Variants in DOK6 observed in about 807,000 individuals in gnomAD.
The protein encoded by DOK6 is docking protein 6.
Under a neutral mutation model 44.0 loss-of-function variants are expected in DOK6, and 22 were observed. That is an observed-to-expected ratio of 0.50 (90% CI 0.36 to 0.71). DOK6 has a LOEUF of 0.71. Among genes scored for constraint, DOK6 ranks in the 30% least tolerant of loss-of-function variants. The pLI is 0.00. For synonymous variants in DOK6, 166 were observed against 145.5 expected (o/e 1.14, Z -1.01); for missense variants, 340 against 416.4 (o/e 0.82, Z 1.60).
intron 7 of DOK6, among the ~76,000 whole-genome samples, chr18:69,775,264 A>G (rs1344604008): frequency 6.6e-6 from 1 of 152,064 alleles, no homozygotes; most frequent in Non-Finnish European, 1.5e-5. Flanking sequence ...TAATGGATGT[A>G]CGTAATGGAA....
chr18:69,540,616 G>T (rs1442664), intron 1 of DOK6, among the ~76,000 whole-genome samples: 92,901 of 151,912 alleles, frequency 0.61, 28,630 homozygotes, highest in East Asian at 0.7. Flanking sequence ...ATTTCTCGAC[G>T]TCTTCACATT....
chr18:69,778,266 C>G (rs567775278), intron 7 of DOK6, among the ~76,000 whole-genome samples: 22 of 152,074 alleles, frequency 1.4e-4, no homozygotes, highest in Admixed American at 4.6e-4. Context: ...AAAGGAAGAC[C>G]TATGGCTTAA....
chr18:69,676,186 G>A (rs181435284), intron 3 of DOK6, among the ~76,000 whole-genome samples: 28 of 152,248 alleles, frequency 1.8e-4, no homozygotes, highest in Middle Eastern at 3.4e-3. Flanking sequence ...CTGTACTTTC[G>A]TAAATAAAAG....
chr18:69,645,685 A>G (rs76615074), intron 3 of DOK6, among the ~76,000 whole-genome samples: 1 of 150,482 alleles, frequency 6.6e-6, no homozygotes, highest in African/African-American at 2.4e-5. Flanking sequence ...TTATCCCAGG[A>G]AAAAAAAATG....
intron 7 of DOK6, among the ~76,000 whole-genome samples, chr18:69,791,873 G>C (rs1980610907): frequency 6.6e-6 from 1 of 151,976 alleles, no homozygotes; most frequent in Admixed American, 6.6e-5. Context: ...TTTAATAGTT[G>C]CATAGTTTCA....
intron 1 of DOK6, among the ~76,000 whole-genome samples, chr18:69,494,982 G>T (rs1177920128): frequency 6.6e-6 from 1 of 152,200 alleles, no homozygotes; most frequent in Non-Finnish European, 1.5e-5. Context: ...GTGCGAGCCA[G>T]GTGTGGAGCA....
chr18:69,638,174 A>G (rs905173749), intron 3 of DOK6, among the ~76,000 whole-genome samples: 7 of 152,216 alleles, frequency 4.6e-5, no homozygotes, highest in East Asian at 3.8e-4. Context: ...ATTCAACCTC[A>G]TTGTTGTAGT....
intron 5 of DOK6, chr18:69,724,935 G>A (rs1394751551): frequency 6.6e-6 from 1 of 152,164 alleles, no homozygotes; most frequent in Non-Finnish European, 1.5e-5. Context: ...ATAAAGCCCA[G>A]TGGCTTGTAA....
intron 7 of DOK6, among the ~76,000 whole-genome samples, chr18:69,821,799 T>TTTTA (rs10641812): frequency 2.7e-5 from 4 of 149,352 alleles, no homozygotes; most frequent in African/African-American, 9.8e-5. Context: ...TTTTTTTTTT[T>TTTTA]AAAAAAAATC....
Position 69,523,682 on chromosome 18 carries a change from T to A in DOK6, c.67-40805T>A, listed in dbSNP as rs900113555. Among the ~76,000 whole-genome samples the A allele has an allele frequency of 3.3e-5, 5 of 152,182 alleles. No homozygotes were observed. In the East Asian group the frequency reaches 7.7e-4, roughly 23 times the overall value. ...AATTTTTTTTTTCTCTTGGAAGTTT[T>A]TTTCTTGTCTCTTTGGTGTTATTTA... On this transcript the variant is annotated intron_variant, in intron 1 of 7. Transcript: ENST00000382713.
chr18:69,679,957 A>C (rs1986008523), intron 4 of DOK6, among the ~76,000 whole-genome samples: 1 of 151,848 alleles, frequency 6.6e-6, no homozygotes, highest in South Asian at 2.1e-4. Flanking sequence ...CACACACACA[A>C]CACACATACA....
At position 69,539,578 on chromosome 18, in the gene DOK6, A is replaced by G. The variant is rs114199826; in HGVS notation, c.67-24909A>G. On this transcript the variant is annotated intron_variant, in intron 1 of 7. Coordinates refer to ENST00000382713, the MANE Select transcript of DOK6 (RefSeq NM_152721.6). ...TACGTATATATCCTCCAGGAGATAC[A>G]TATGTATCCTGGATAGATTGTCATG... Among the ~76,000 whole-genome samples, 918 of 151,962 alleles carry G rather than the reference A, an allele frequency of 6.0e-3. 8 individuals carry two copies. The highest frequency in any genetic ancestry group is 0.021 in the African/African-American group (853 of 41,448).
At chr18:69,759,770 G>A (rs1029972688) in intron 7 of DOK6, among the ~76,000 whole-genome samples, 4 of 152,118 alleles carry the variant, frequency 2.6e-5, no homozygotes, top group Admixed American at 2.0e-4. Context: ...TTAACTTGCA[G>A]CAAAGTTAAA....
chr18:69,535,275 T>C (rs990570288), intron 1 of DOK6, among the ~76,000 whole-genome samples: 11 of 152,098 alleles, frequency 7.2e-5, no homozygotes, highest in Non-Finnish European at 1.2e-4. Flanking sequence ...CCAAGCTTTA[T>C]ATTATCACTT....
At chr18:69,746,803 ATTGGTGTTCTTC>A (rs1978999843) in intron 6 of DOK6, among the ~76,000 whole-genome samples, 1 of 152,186 alleles carries the variant, frequency 6.6e-6, no homozygotes, top group Non-Finnish European at 1.5e-5. Flanking sequence ...TGATAAGCCA[ATTGGTGTTCTTC>A]TTGAACATGA....
intron 1 of DOK6, among the ~76,000 whole-genome samples, chr18:69,516,568 AAG>A (rs1224377966): frequency 1.3e-5 from 2 of 152,242 alleles, no homozygotes; most frequent in Non-Finnish European, 2.9e-5. Flanking sequence ...TCTAAAGGCA[AAG>A]AGATTTGTAT....
At chr18:69,768,954 C>CGGGTGTGTGTGTGTGTGTGT (rs1491210858) in intron 7 of DOK6, among the ~76,000 whole-genome samples, 1 of 142,590 alleles carries the variant, frequency 7.0e-6, no homozygotes, top group Admixed American at 7.1e-5. Context: ...GAAGGGTGTG[C>CGGGTGTGTGTGTGTGTGTGT]GTGTGTGTGT....
At chr18:69,451,879 A>C (rs369091294) in intron 1 of DOK6, among the ~76,000 whole-genome samples, 1,909 of 93,120 alleles carry the variant, frequency 0.021, 11 homozygotes, top group East Asian at 0.059. Flanking sequence ...ACAAAGACAC[A>C]ACATACCAGA....
At chr18:69,449,692 C>CT (rs1184083912) in intron 1 of DOK6, among the ~76,000 whole-genome samples, 1 of 152,056 alleles carries the variant, frequency 6.6e-6, no homozygotes, top group African/African-American at 2.4e-5. Flanking sequence ...AGTGGTTCTC[C>CT]CAGCACGCAG....
Sources: gnomAD v4.1 joint callset for allele counts (sites outside exome capture counted in the v4.1 genomes callset) on GRCh38, gnomAD v4.1.1 for gene constraint, MANE v1.5 for transcripts, NCBI Gene and HGNC (gene_info 2026-07-23, HGNC 2026-07-21) for gene names.